Variants in CNTNAP2 observed in about 807,000 individuals in gnomAD.
CNTNAP2 encodes contactin-associated protein-like 2.
CNTNAP2 carries 98 observed loss-of-function variants against 155.2 expected under a neutral mutation model. That is an observed-to-expected ratio of 0.63 (90% CI 0.54 to 0.75). The LOEUF is 0.75. CNTNAP2 is among the 30% of genes least tolerant of loss of function. CNTNAP2 has a pLI of 0.00. For synonymous variants in CNTNAP2, 651 were observed against 631.2 expected (o/e 1.03, Z -0.47); for missense variants, 1,727 against 1,688.1 (o/e 1.02, Z -0.40).
intron 10 of CNTNAP2, among the ~76,000 whole-genome samples, chr7:147,397,320 G>C (rs1796835735): frequency 6.6e-6 from 1 of 152,000 alleles, no homozygotes; most frequent in African/African-American, 2.4e-5. Flanking sequence ...GAAAAGCTGA[G>C]ATGAATGTTT....
intron 3 of CNTNAP2, among the ~76,000 whole-genome samples, chr7:146,875,429 A>T (rs1260441138): frequency 6.6e-6 from 1 of 152,146 alleles, no homozygotes; most frequent in Non-Finnish European, 1.5e-5. Flanking sequence ...CCCTTTAGAA[A>T]ACTAGTAATT....
At chr7:147,221,225 C>T (rs912704484) in intron 8 of CNTNAP2, among the ~76,000 whole-genome samples, 1 of 152,046 alleles carries the variant, frequency 6.6e-6, no homozygotes, top group Non-Finnish European at 1.5e-5. Flanking sequence ...CACACATACA[C>T]AATATATACA....
chr7:147,696,042 A>G (rs552450073), intron 13 of CNTNAP2, among the ~76,000 whole-genome samples: 64 of 152,070 alleles, frequency 4.2e-4, no homozygotes, highest in African/African-American at 1.5e-3. Flanking sequence ...TTCTCTATCC[A>G]TTTATTTTTA....
At chr7:148,335,131 G>A (rs1433978147) in intron 21 of CNTNAP2, among the ~76,000 whole-genome samples, 1 of 152,164 alleles carries the variant, frequency 6.6e-6, no homozygotes, top group African/African-American at 2.4e-5. Context: ...AATTAACACG[G>A]CAGCAAGACT....
At chr7:147,260,110 C>G (rs1011447948) in intron 8 of CNTNAP2, among the ~76,000 whole-genome samples, 1 of 152,126 alleles carries the variant, frequency 6.6e-6, no homozygotes, top group Non-Finnish European at 1.5e-5. Context: ...AGATCAAGGA[C>G]GAAGGCAAAC....
At chr7:146,532,112 C>CA (rs1468492360) in intron 1 of CNTNAP2, among the ~76,000 whole-genome samples, 1 of 151,434 alleles carries the variant, frequency 6.6e-6, no homozygotes, top group Admixed American at 6.6e-5. Context: ...ATTTACAATT[C>CA]AAAAAAGTGA....
At chr7:146,735,576 T>A (rs1801602510) in intron 1 of CNTNAP2, among the ~76,000 whole-genome samples, 2 of 150,458 alleles carry the variant, frequency 1.3e-5, no homozygotes, top group South Asian at 4.1e-4. Flanking sequence ...AACAACTTGG[T>A]TTGAAACATG....
intron 3 of CNTNAP2, among the ~76,000 whole-genome samples, chr7:146,965,992 G>C (rs1004770674): frequency 5.3e-5 from 8 of 152,198 alleles, no homozygotes; most frequent in African/African-American, 1.9e-4. Flanking sequence ...CTCATGTTCT[G>C]CTTCTCTTAG....
chr7:146,913,937 C>G (rs932663980), intron 3 of CNTNAP2, among the ~76,000 whole-genome samples: 1 of 151,932 alleles, frequency 6.6e-6, no homozygotes, highest in Non-Finnish European at 1.5e-5. Context: ...CCCAAAGTCC[C>G]TTGTAACATT....
chr7:146,610,240 G>T (rs1002806632), intron 1 of CNTNAP2, among the ~76,000 whole-genome samples: 7 of 152,122 alleles, frequency 4.6e-5, no homozygotes, highest in African/African-American at 1.2e-4. Context: ...GATTATTCTC[G>T]TGTAGTCGTC....
At chr7:146,875,926 A>C (rs1795412544) in intron 3 of CNTNAP2, among the ~76,000 whole-genome samples, 1 of 111,800 alleles carries the variant, frequency 8.9e-6, no homozygotes, top group African/African-American at 3.8e-5. Context: ...ACACACACAC[A>C]TACACAGCAA....
At chr7:146,454,234 A>G (rs550704684) in intron 1 of CNTNAP2, among the ~76,000 whole-genome samples, 61 of 152,286 alleles carry the variant, frequency 4.0e-4, no homozygotes, top group Non-Finnish European at 8.2e-4. Flanking sequence ...CTTGTTATAG[A>G]TATTTTTTAA....
chr7:147,405,622 T>TATA (rs1165718935), intron 10 of CNTNAP2, among the ~76,000 whole-genome samples: 2 of 152,158 alleles, frequency 1.3e-5, no homozygotes, highest in African/African-American at 4.8e-5. Flanking sequence ...ATGGTTTAAT[T>TATA]AAGTACTAAG....
At chr7:147,678,639 C>G (rs1490789137) in intron 13 of CNTNAP2, among the ~76,000 whole-genome samples, 1 of 151,746 alleles carries the variant, frequency 6.6e-6, no homozygotes, top group East Asian at 1.9e-4. Flanking sequence ...TAAAATTCTC[C>G]CTTAGTTCTC....
At chr7:146,361,604 G>A (rs1005387) in intron 1 of CNTNAP2, among the ~76,000 whole-genome samples, 36,019 of 151,860 alleles carry the variant, frequency 0.24, 4,840 homozygotes, top group Admixed American at 0.39. Context: ...CACAGCTTTC[G>A]GAAGACTGAT....
intron 11 of CNTNAP2, among the ~76,000 whole-genome samples, chr7:147,500,903 T>C (rs1396251652): frequency 6.6e-6 from 1 of 152,140 alleles, no homozygotes; most frequent in Non-Finnish European, 1.5e-5. Context: ...AGCATTACCC[T>C]GATACTGAAT....
In CNTNAP2 at chr7:147,065,232, A is replaced by C. The variant is rs151316397; in HGVS notation, c.550+21178A>C. ...ATAATAGCCGTTATTTAATATTGTT[A>C]ATTATTAATTGAAAAGTTTAATGGA... is the stretch of plus-strand genomic sequence containing the variant. On this transcript the variant is annotated intron_variant, in intron 4 of 23. Transcript: ENST00000361727. Among the ~76,000 whole-genome samples, 531 of 152,222 alleles carry C rather than the reference A, an allele frequency of 3.5e-3. 6 individuals are homozygous for C. The highest frequency in any genetic ancestry group is 0.012 in the African/African-American group (509 of 41,540).
rs534725824 is a variant in CNTNAP2, at chr7:147,474,770, C to A, written c.1671-11165C>A. 5.3e-5 allele frequency among the ~76,000 whole-genome samples: 8 copies of A among 152,188 alleles called. No homozygotes were observed. The South Asian group carries it at 1.7e-3, about 32-fold the overall frequency. On this transcript the variant is annotated intron_variant, in intron 10 of 23. Coordinates refer to ENST00000361727, the MANE Select transcript of CNTNAP2 (RefSeq NM_014141.6). ...GCATAACCTGACCTAAATCTTCTCC[C>A]CACTCTAATCTGCTGATAGGGTAAG...
intron 1 of CNTNAP2, among the ~76,000 whole-genome samples, chr7:146,460,254 A>G (rs1412898982): frequency 6.6e-6 from 1 of 152,226 alleles, no homozygotes; most frequent in Non-Finnish European, 1.5e-5. Flanking sequence ...AAAAATTATA[A>G]CAAGGATTAT....
Sources: allele counts gnomAD v4.1 joint callset (sites outside exome capture counted in the v4.1 genomes callset), GRCh38; gene constraint gnomAD v4.1.1; transcripts MANE v1.5; gene names NCBI Gene and HGNC (gene_info 2026-07-23, HGNC 2026-07-21).